Variants in RBFOX3 observed in about 807,000 individuals in gnomAD.
RBFOX3 encodes the protein RNA binding protein fox-1 homolog 3.
Under a neutral mutation model 48.7 loss-of-function variants are expected in RBFOX3, and 17 were observed. That is an observed-to-expected ratio of 0.35 (90% CI 0.24 to 0.52). RBFOX3 has a LOEUF of 0.52. RBFOX3 is among the 20% of genes least tolerant of loss of function. RBFOX3 has a pLI of 0.94. For missense variants in RBFOX3, 382 were observed against 497.5 expected, an observed-to-expected ratio of 0.77 and a Z score of 2.21; for synonymous variants, 212 against 209.5, an observed-to-expected ratio of 1.01 and a Z score of -0.10.
At chr17:79,611,183 T>TCTCTCTCTCTCTCTCTCTC (rs2093965331), upstream of RBFOX3, among the ~76,000 whole-genome samples, 2 of 41,492 alleles carry the variant, frequency 4.8e-5, no homozygotes, top group African/African-American at 2.6e-4. Context: ...TCCGCCCTCC[T>TCTCTCTCTCTCTCTCTCTC]TCTCTCTCTC....
At chr17:79,354,647 G>C (rs2084619178) in intron 2 of RBFOX3, among the ~76,000 whole-genome samples, 1 of 152,272 alleles carries the variant, frequency 6.6e-6, no homozygotes, top group South Asian at 2.1e-4. Flanking sequence ...TGCGCGTTCA[G>C]CGCAAGCCAG....
intron 12 of RBFOX3, 66 bp from the exon 13 acceptor site, chr17:79,095,640 TG>T: frequency 7.1e-7 from 1 of 1,412,210 alleles, no homozygotes; most frequent in Non-Finnish European, 9.8e-7. Context: ...AAAGGCTGAG[TG>T]GGGAGAGGAG....
At chr17:79,332,084 TC>T (rs967788989) in intron 2 of RBFOX3, among the ~76,000 whole-genome samples, 1 of 152,140 alleles carries the variant, frequency 6.6e-6, no homozygotes, top group African/African-American at 2.4e-5. Flanking sequence ...TCTGCTCTGG[TC>T]CCACCTACAG....
chr17:79,278,930 G>C (rs1046747694), intron 3 of RBFOX3, among the ~76,000 whole-genome samples: 3 of 151,996 alleles, frequency 2.0e-5, no homozygotes, highest in African/African-American at 7.3e-5. Context: ...CACTTTTGTG[G>C]GGCCAGCTGC....
chr17:79,475,159 G>A (rs1388885880), intron 2 of RBFOX3, among the ~76,000 whole-genome samples: 1 of 152,156 alleles, frequency 6.6e-6, no homozygotes, highest in African/African-American at 2.4e-5. Context: ...TGGGAAGTGG[G>A]TGGGGGACAG....
chr17:79,463,349 T>G (rs1450057921), intron 2 of RBFOX3, among the ~76,000 whole-genome samples: 3 of 46,540 alleles, frequency 6.4e-5, no homozygotes, highest in South Asian at 1.9e-3. Flanking sequence ...CATCGCCACC[T>G]CCACCGCCAT....
the RBFOX3 span, among the ~76,000 whole-genome samples, chr17:79,652,376 G>T: frequency 6.6e-6 from 1 of 151,636 alleles, no homozygotes; most frequent in African/African-American, 2.4e-5. Context: ...AGCCCAGGAG[G>T]TCAAGGCTGC....
chr17:79,592,272 TG>T (rs34428546), intron 1 of RBFOX3, among the ~76,000 whole-genome samples: 96,256 of 147,558 alleles, frequency 0.65, 31,218 homozygotes, highest in East Asian at 0.74. Context: ...TGTATGTGGG[TG>T]GGGGGGTGTG....
At chr17:79,275,231 A>C (rs2068567747) in intron 3 of RBFOX3, among the ~76,000 whole-genome samples, 2 of 145,696 alleles carry the variant, frequency 1.4e-5, no homozygotes, top group African/African-American at 2.6e-5. Flanking sequence ...TCTCACTAAA[A>C]TTTCCTCCCA....
At chr17:79,488,240 C>T (rs2079951408) in intron 1 of RBFOX3, among the ~76,000 whole-genome samples, 1 of 152,170 alleles carries the variant, frequency 6.6e-6, no homozygotes. Context: ...CATCACCAGT[C>T]CCTTATAAAT....
intron 2 of RBFOX3, among the ~76,000 whole-genome samples, chr17:79,455,126 C>T (rs1261793549): frequency 6.6e-6 from 1 of 152,130 alleles, no homozygotes; most frequent in Admixed American, 6.5e-5. Context: ...GGCCCGGCAG[C>T]ATCCCCCTCC....
chr17:79,574,900 G>T (rs1258289413), intron 1 of RBFOX3, among the ~76,000 whole-genome samples: 1 of 152,206 alleles, frequency 6.6e-6, no homozygotes, highest in Non-Finnish European at 1.5e-5. Flanking sequence ...TCATTGAAGG[G>T]CAGGTTCTGA....
rs147730788 is a variant in RBFOX3, at chr17:79,199,990, G to A, written c.-34+35776C>T. Reference sequence around the variant, plus strand: ...AGCCTGGCCAACATGGTGAAACTCCGTCTCTACCAAAAGTACAAAAAAATT... The same window carrying A: ...AGCCTGGCCAACATGGTGAAACTCCATCTCTACCAAAAGTACAAAAAAATT... On this transcript the variant is annotated intron_variant, in intron 4 of 14. Transcript: ENST00000693108. The surrounding 1 kb of genome is among the most constrained non-coding windows in gnomAD (Gnocchi z 5.1). Among the ~76,000 whole-genome samples the A allele has an allele frequency of 9.8e-4, 149 of 152,118 alleles. No homozygotes were observed. The highest frequency in any genetic ancestry group is 3.2e-3 in the African/African-American group (131 of 41,494).
At chr17:79,229,558 C>CAAAAAA (rs11435725) in intron 4 of RBFOX3, among the ~76,000 whole-genome samples, 14 of 50,648 alleles carry the variant, frequency 2.8e-4, no homozygotes, top group Admixed American at 7.8e-4. Flanking sequence ...GACTCCATCT[C>CAAAAAA]AAAAAAAAAA....
At chr17:79,488,162 A>G (rs1312807567) in intron 1 of RBFOX3, among the ~76,000 whole-genome samples, 2 of 152,040 alleles carry the variant, frequency 1.3e-5, no homozygotes, top group African/African-American at 4.8e-5. Flanking sequence ...TACATCCTGG[A>G]TTTTTTTCCG....
intron 1 of RBFOX3, among the ~76,000 whole-genome samples, chr17:79,596,265 A>C (rs4132158): frequency 6.6e-6 from 1 of 152,126 alleles, no homozygotes; most frequent in East Asian, 1.9e-4. Context: ...GCAGAGCCCA[A>C]CTGAACCCTC....
intron 2 of RBFOX3, among the ~76,000 whole-genome samples, chr17:79,410,861 G>A (rs539231745): frequency 5.3e-5 from 8 of 152,216 alleles, no homozygotes; most frequent in East Asian, 3.9e-4. Flanking sequence ...GCAAGGCCCC[G>A]CCATACCAGC....
At chr17:79,433,820 G>A (rs1057151539) in intron 2 of RBFOX3, among the ~76,000 whole-genome samples, 7 of 152,166 alleles carry the variant, frequency 4.6e-5, no homozygotes, top group African/African-American at 9.7e-5. Context: ...AAGGGCTCCC[G>A]GGGAAATACA....
Position 79,103,349 on chromosome 17 carries a change from C to A in RBFOX3, c.415-95G>T, listed in dbSNP as rs2146535727. 28 of 785,392 alleles carry A rather than the reference C, an allele frequency of 3.6e-5. No individual in the cohort carries two copies. The highest frequency in any genetic ancestry group is 1.1e-4 in the Admixed American group (5 of 45,554). The allele number at this position is 785,392 out of a possible 1,614,324, so 48.7% of individuals were successfully genotyped here. On this transcript the variant is annotated intron_variant, in intron 7 of 14. Coordinates refer to ENST00000693108, the MANE Select transcript of RBFOX3 (RefSeq NM_001350451.2). This position sits in a 1 kb window ranked among gnomAD's most constrained non-coding sequence, Gnocchi z 6.1. ...AGGAAGAAGAGGAGTGGGAGGGGGG[C>A]AGGGGAGTGGGGAGAGAGAGAGAAG...
Sources: gnomAD v4.1 joint callset for allele counts (sites outside exome capture counted in the v4.1 genomes callset) on GRCh38, gnomAD v4.1.1 for gene constraint, Gnocchi (gnomAD v3.1) non-coding constraint, MANE v1.5 for transcripts, NCBI Gene and HGNC (gene_info 2026-07-23, HGNC 2026-07-21) for gene names.